Variants in TRUB1 observed in about 807,000 individuals in gnomAD.
TRUB1 encodes the protein pseudouridylate synthase TRUB1.
A neutral mutation model predicts 33.9 loss-of-function variants in TRUB1; 23 were observed. That is an observed-to-expected ratio of 0.68 (90% CI 0.49 to 0.96). The LOEUF (loss-of-function observed/expected upper bound fraction) is 0.96, where lower values mean the gene tolerates loss of function less well. Ranked by LOEUF, TRUB1 falls within the 40% of genes least tolerant of loss-of-function variation. The pLI is 0.00. For synonymous variants in TRUB1, 163 were observed against 165.4 expected, an observed-to-expected ratio of 0.99 and a Z score of 0.11; for missense variants, 378 against 422.2, an observed-to-expected ratio of 0.90 and a Z score of 0.92.
At chr10:114,946,190 G>A (rs964683054) in intron 2 of TRUB1, among the ~76,000 whole-genome samples, 14 of 152,158 alleles carry the variant, frequency 9.2e-5, no homozygotes, top group Admixed American at 6.5e-4. Flanking sequence ...AGAAAATCTC[G>A]TAACTTCACT....
intron 4 of TRUB1, among the ~76,000 whole-genome samples, chr10:114,962,163 C>A (rs1359204698): frequency 6.6e-6 from 1 of 152,278 alleles, no homozygotes; most frequent in Non-Finnish European, 1.5e-5. Context: ...TCAAGTGATT[C>A]TTCTGCCTCA....
At chr10:114,946,238 C>T (rs2084210673) in intron 2 of TRUB1, among the ~76,000 whole-genome samples, 1 of 152,050 alleles carries the variant, frequency 6.6e-6, no homozygotes, top group African/African-American at 2.4e-5. Flanking sequence ...ATAACGTCTA[C>T]CAAAACTAAG....
chr10:114,976,106 A>G lies in TRUB1; in HGVS notation c.*727A>G, dbSNP rs1214113004. On this transcript the variant is annotated 3_prime_UTR_variant, in exon 8 of 8. Transcript: ENST00000298746. ...ATTTTGGCAGCTATGAGATATTTTC[A>G]TGGTAATGTCAACATGGTCAAGCAC... The G allele has an allele frequency of 6.6e-6, 1 of 152,622 alleles. No homozygotes were observed. The highest frequency in any genetic ancestry group is 1.5e-5 in the Non-Finnish European group (1 of 68,008). 9.5% of individuals were successfully genotyped at this position (152,622 alleles called of 1,614,324 possible).
Position 114,972,143 on chromosome 10 carries a change from C to CA in TRUB1, c.606dup (p.Leu203IlefsTer16). The CA allele has an allele frequency of 1.2e-6, 2 of 1,612,860 alleles. No homozygotes were observed. Among genetic ancestry groups the CA allele is most frequent in the Non-Finnish European group, 1.7e-6 (2 of 1,179,548 alleles). On this transcript the variant is annotated frameshift_variant, in exon 6 of 8. Transcript: ENST00000298746. LOFTEE classifies it high-confidence loss of function. ...TTCTCTCATCTCACAAGCTATTCTG[C>CA]ATTAAAGAAAGATGGACAAAGACTT...
In TRUB1 at chr10:114,974,325, C is replaced by T; in HGVS notation, c.737-4C>T. 6.2e-7 allele frequency: 1 copy of T among 1,611,306 alleles called. No individual in the cohort carries two copies. Among genetic ancestry groups the T allele is most frequent in the South Asian group, 1.1e-5 (1 of 90,886 alleles). ...AATTTACTATGTCACTGTTAACATT[C>T]CAGATGTTGAATGTGGAGGAGGTTT... On this transcript the variant is annotated splice_polypyrimidine_tract_variant and splice_region_variant and intron_variant, in intron 6 of 7. Coordinates refer to ENST00000298746, the MANE Select transcript of TRUB1 (RefSeq NM_139169.5).
chr10:114,938,562 C>T (rs1438308357), intron 1 of TRUB1, 23 bp downstream of exon 1: 2 of 1,508,268 alleles, frequency 1.3e-6, no homozygotes, highest in East Asian at 4.6e-5. Flanking sequence ...GGGTGGGGAC[C>T]AGGCTGAGGC....
intron 2 of TRUB1, among the ~76,000 whole-genome samples, chr10:114,945,268 C>T (rs1345479948): frequency 6.6e-6 from 1 of 152,196 alleles, no homozygotes; most frequent in Non-Finnish European, 1.5e-5. Flanking sequence ...GCTTTTGTTC[C>T]TCATGCCCTG....
At chr10:114,963,923 T>C (rs1200121616) in intron 4 of TRUB1, among the ~76,000 whole-genome samples, 2 of 152,198 alleles carry the variant, frequency 1.3e-5, no homozygotes, top group East Asian at 3.9e-4. Context: ...GACACATTTC[T>C]ACCGTCATTT....
At chr10:114,954,907 T>C (rs1343324418) in intron 3 of TRUB1, among the ~76,000 whole-genome samples, 1 of 133,104 alleles carries the variant, frequency 7.5e-6, no homozygotes, top group Non-Finnish European at 1.8e-5. Context: ...ACAGTTAATT[T>C]CTTTTTTTTT....
rs2084350393 is a variant in TRUB1, at chr10:114,974,321, C to G, written c.737-8C>G. ...TAGCAATTTACTATGTCACTGTTAA[C>G]ATTCCAGATGTTGAATGTGGAGGAG... On this transcript the variant is annotated splice_polypyrimidine_tract_variant and splice_region_variant and intron_variant, in intron 6 of 7. Coordinates refer to ENST00000298746, the MANE Select transcript of TRUB1 (RefSeq NM_139169.5). 1 of 1,610,680 alleles carries G rather than the reference C, an allele frequency of 6.2e-7. No homozygotes were observed.
chr10:114,969,846 T>C (rs1326201101), intron 4 of TRUB1, among the ~76,000 whole-genome samples: 1 of 152,088 alleles, frequency 6.6e-6, no homozygotes, highest in Non-Finnish European at 1.5e-5. Context: ...GTGTGTAAAA[T>C]TTCTGCCATA....
chr10:114,976,008 T>C lies in TRUB1; in HGVS notation c.*629T>C, dbSNP rs2084358644. ...TATTACTGCTACCACTAACAGGTTG[T>C]AAATAGAAGACTAATACTTAATTAA... On this transcript the variant is annotated 3_prime_UTR_variant, in exon 8 of 8. Coordinates refer to ENST00000298746, the MANE Select transcript of TRUB1 (RefSeq NM_139169.5). 1.3e-5 allele frequency: 2 copies of C among 152,586 alleles called. No homozygotes were observed. Among genetic ancestry groups the C allele is most frequent in the Admixed American group, 6.6e-5 (1 of 15,260 alleles). 9.5% of individuals were successfully genotyped at this position (152,586 alleles called of 1,614,324 possible).
intron 6 of TRUB1, among the ~76,000 whole-genome samples, chr10:114,973,891 A>G (rs1243602091): frequency 6.6e-6 from 1 of 152,128 alleles, no homozygotes; most frequent in East Asian, 1.9e-4. Flanking sequence ...TTGAATGTAC[A>G]AGTCAGAAAA....
intron 4 of TRUB1, among the ~76,000 whole-genome samples, chr10:114,965,635 T>G (rs549524034): frequency 6.6e-6 from 1 of 152,282 alleles, no homozygotes; most frequent in Non-Finnish European, 1.5e-5. Context: ...TCTATCAGAT[T>G]GGTATTTTTT....
At chr10:114,972,380 T>A (rs2084341003) in intron 6 of TRUB1, 106 bp downstream of exon 6, 2 of 1,310,414 alleles carry the variant, frequency 1.5e-6, no homozygotes, top group South Asian at 1.5e-5. Context: ...GGAGATTTTT[T>A]AAAATTTGAA....
intron 2 of TRUB1, among the ~76,000 whole-genome samples, chr10:114,950,124 G>C (rs11197006): frequency 0.47 from 71,556 of 151,730 alleles, 18,299 homozygotes; most frequent in African/African-American, 0.64. Context: ...TCTTGAACTC[G>C]TGACCTCAGG....
At chr10:114,967,987 G>A (rs1592053866) in intron 4 of TRUB1, among the ~76,000 whole-genome samples, 1 of 152,130 alleles carries the variant, frequency 6.6e-6, no homozygotes, top group African/African-American at 2.4e-5. Flanking sequence ...AAATTCAGCA[G>A]ATGTCTTGAG....
At chr10:114,941,300 C>T (rs940661453) in intron 1 of TRUB1, among the ~76,000 whole-genome samples, 1 of 151,912 alleles carries the variant, frequency 6.6e-6, no homozygotes, top group African/African-American at 2.4e-5. Flanking sequence ...GGCTCTGTCT[C>T]CCCAAAGTAC....
At chr10:114,962,714 C>T (rs953387686) in intron 4 of TRUB1, among the ~76,000 whole-genome samples, 2 of 152,160 alleles carry the variant, frequency 1.3e-5, no homozygotes, top group Non-Finnish European at 2.9e-5. Context: ...TGTGTACTGT[C>T]AGACTTCAGG....
Sources: allele counts gnomAD v4.1 joint callset (sites outside exome capture counted in the v4.1 genomes callset), GRCh38; gene constraint gnomAD v4.1.1; transcripts MANE v1.5; gene names NCBI Gene and HGNC (gene_info 2026-07-23, HGNC 2026-07-21).